Variants in UNC13C observed in about 807,000 individuals in gnomAD.
UNC13C encodes the protein unc-13 homolog C.
In UNC13C, 174 loss-of-function variants were observed where a neutral mutation model predicts 245.4. The observed-to-expected ratio is 0.71, with a 90% CI of 0.63 to 0.80. The LOEUF (loss-of-function observed/expected upper bound fraction) is 0.80, where lower values mean the gene tolerates loss of function less well. Ranked by LOEUF, UNC13C falls within the 30% of genes least tolerant of loss-of-function variation. The probability of loss-of-function intolerance (pLI) is 0.00; values close to 1 mark genes in which losing one functional copy is unlikely to be tolerated. For missense variants in UNC13C, 2,829 were observed against 2,602.9 expected (o/e 1.09, Z -1.89); for synonymous variants, 992 against 895.1 (o/e 1.11, Z -1.93).
chr15:54,066,944 T>A (rs77406208), intron 2 of UNC13C, among the ~76,000 whole-genome samples: 2 of 152,122 alleles, frequency 1.3e-5, no homozygotes, highest in Non-Finnish European at 2.9e-5. Flanking sequence ...CTTTTTTTTT[T>A]AATTTAGGAA....
chr15:54,294,488 G>A (rs1406813739), intron 11 of UNC13C, among the ~76,000 whole-genome samples: 1 of 152,024 alleles, frequency 6.6e-6, no homozygotes, highest in Non-Finnish European at 1.5e-5. Flanking sequence ...TCAAATGACG[G>A]TATAACAGTA....
chr15:53,866,796 T>A, the UNC13C span, among the ~76,000 whole-genome samples: 14 of 152,228 alleles, frequency 9.2e-5, no homozygotes, highest in Admixed American at 3.9e-4. Context: ...TCTGAGAGTG[T>A]TGAAAGATAG....
intron 13 of UNC13C, among the ~76,000 whole-genome samples, chr15:54,313,976 G>C (rs963156727): frequency 1.3e-5 from 2 of 151,446 alleles, no homozygotes; most frequent in African/African-American, 4.8e-5. Context: ...CTTGTCATTT[G>C]CAACAAGATG....
intron 26 of UNC13C, among the ~76,000 whole-genome samples, chr15:54,542,469 T>C (rs1242140808): frequency 6.6e-6 from 1 of 152,144 alleles, no homozygotes; most frequent in South Asian, 2.1e-4. Flanking sequence ...GAAGAATGTA[T>C]ATTCTGTTGA....
chr15:54,054,466 A>G (rs1897411677), intron 2 of UNC13C, among the ~76,000 whole-genome samples: 1 of 152,200 alleles, frequency 6.6e-6, no homozygotes, highest in South Asian at 2.1e-4. Context: ...AATTTTGTGA[A>G]TAGAATTAAA....
chr15:54,181,437 G>C (rs1314965414), intron 4 of UNC13C, among the ~76,000 whole-genome samples: 1 of 151,454 alleles, frequency 6.6e-6, no homozygotes, highest in Non-Finnish European at 1.5e-5. Flanking sequence ...TAGTATAATG[G>C]CTGTGGCTCT....
chr15:54,013,040 C>G lies in UNC13C; in HGVS notation c.137C>G (p.Thr46Ser). The G allele has an allele frequency of 6.2e-7, 1 of 1,613,898 alleles. No homozygotes were observed. Among genetic ancestry groups the G allele is most frequent in the Non-Finnish European group, 8.5e-7 (1 of 1,179,842 alleles). Residue 46 changes from threonine (T) to serine (S), a missense_variant, in exon 2 of 33, where the codon ACT becomes AGT. By Grantham distance (58) the Thr-to-Ser change is moderately conservative (BLOSUM62 1). Transcript: ENST00000260323. Reference sequence around the variant, plus strand: ...CAGAAAAAGGATCAAGACTTCCCCACTGCTGGCCAGACCAAATCCCCCAAA... The same window carrying G: ...CAGAAAAAGGATCAAGACTTCCCCAGTGCTGGCCAGACCAAATCCCCCAAA... ...RQQKKDQDFP[T>S]AGQTKSPKFS...
At chr15:54,071,935 T>A (rs1409841604) in intron 2 of UNC13C, among the ~76,000 whole-genome samples, 1 of 152,182 alleles carries the variant, frequency 6.6e-6, no homozygotes, top group African/African-American at 2.4e-5. Context: ...GCTCCTCACT[T>A]GGTTGCCCTT....
At chr15:54,620,984 G>A (rs1020399633) in intron 30 of UNC13C, among the ~76,000 whole-genome samples, 5 of 152,052 alleles carry the variant, frequency 3.3e-5, no homozygotes, top group Admixed American at 6.6e-5. Context: ...TGTCTATTTC[G>A]TTAGTGTGAA....
At chr15:54,553,105 T>C (rs1364808705) in intron 28 of UNC13C, among the ~76,000 whole-genome samples, 62 of 72,268 alleles carry the variant, frequency 8.6e-4, no homozygotes, top group Admixed American at 2.3e-3. Context: ...ATAATATATA[T>C]TGTATTCTAT....
At chr15:54,441,039 C>T (rs1292116266) in intron 19 of UNC13C, among the ~76,000 whole-genome samples, 2 of 151,802 alleles carry the variant, frequency 1.3e-5, no homozygotes, top group African/African-American at 4.8e-5. Flanking sequence ...ATTTGAGTTC[C>T]TTCTATATAC....
intron 19 of UNC13C, among the ~76,000 whole-genome samples, chr15:54,460,534 T>C (rs1891779188): frequency 6.6e-6 from 1 of 152,136 alleles, no homozygotes; most frequent in Admixed American, 6.5e-5. Context: ...AGCCAGGAAG[T>C]GGCACTTTCA....
chr15:54,472,693 T>G (rs540759327), intron 19 of UNC13C, among the ~76,000 whole-genome samples: 2 of 152,066 alleles, frequency 1.3e-5, no homozygotes, highest in South Asian at 4.1e-4. Context: ...TTTTTCTCTT[T>G]CATAATTTTG....
chr15:54,587,506 A>G (rs940858912), intron 30 of UNC13C, among the ~76,000 whole-genome samples: 1 of 152,262 alleles, frequency 6.6e-6, no homozygotes, highest in Non-Finnish European at 1.5e-5. Flanking sequence ...AAGATAATGT[A>G]GTCGTATAAC....
At chr15:53,992,867 G>A (rs992205681) in intron 1 of UNC13C, among the ~76,000 whole-genome samples, 1 of 152,020 alleles carries the variant, frequency 6.6e-6, no homozygotes, top group African/African-American at 2.4e-5. Flanking sequence ...AACAGTTACT[G>A]TATTCCAGAG....
intron 1 of UNC13C, among the ~76,000 whole-genome samples, chr15:53,995,312 A>G (rs893192137): frequency 3.3e-5 from 5 of 152,070 alleles, no homozygotes; most frequent in Non-Finnish European, 7.4e-5. Flanking sequence ...AAGGAAACCT[A>G]CTTAAATTGG....
Position 54,455,167 on chromosome 15 carries a change from C to CTCTCTCTCTCTCTCTCTCTA in UNC13C, c.4934-39422_4934-39421insATCTCTCTCTCTCTCTCTCT, listed in dbSNP as rs1891409596. 2.2e-3 allele frequency among the ~76,000 whole-genome samples: 40 copies of CTCTCTCTCTCTCTCTCTCTA among 18,548 alleles called. 2 individuals carry two copies. The highest frequency in any genetic ancestry group is 6.7e-3 in the East Asian group (2 of 300). 12.2% of individuals were successfully genotyped at this position (18,548 alleles called of 152,430 possible). A position where few individuals can be genotyped will look rare whatever the true frequency, so the allele number is the denominator to read the frequency against. On this transcript the variant is annotated intron_variant, in intron 19 of 32. Coordinates refer to ENST00000260323, the MANE Select transcript of UNC13C (RefSeq NM_001080534.3). ...CTTTCTATGGCTGAGTCATATTCCT[C>CTCTCTCTCTCTCTCTCTCTA]TCTCTCTCTCTCTCTCTCTCTCTCT...
Position 54,360,912 on chromosome 15 carries a change from A to G in UNC13C, c.4713+22423A>G, listed in dbSNP as rs1029535467. ...TATTCTTTATTTGACTTTGGTTGAT[A>G]ATGTGATTATTATTTGCCTTGGGAA... is the stretch of plus-strand genomic sequence containing the variant. On this transcript the variant is annotated intron_variant, in intron 17 of 32. Transcript: ENST00000260323. 2.6e-4 allele frequency among the ~76,000 whole-genome samples: 40 copies of G among 152,124 alleles called. 3 individuals are homozygous for G.
At chr15:54,501,199 G>A (rs1894194808) in intron 22 of UNC13C, among the ~76,000 whole-genome samples, 1 of 151,834 alleles carries the variant, frequency 6.6e-6, no homozygotes, top group Non-Finnish European at 1.5e-5. Flanking sequence ...TGTTCACTTC[G>A]AGGACTCAGT....
Sources: allele counts gnomAD v4.1 joint callset (sites outside exome capture counted in the v4.1 genomes callset), GRCh38; gene constraint gnomAD v4.1.1; transcripts MANE v1.5; gene names NCBI Gene and HGNC (gene_info 2026-07-23, HGNC 2026-07-21).